The following CRADD variants were observed in gnomAD, a reference collection of about 807,000 sequenced individuals.
CRADD encodes death domain-containing protein CRADD.
Under a neutral mutation model 15.5 loss-of-function variants are expected in CRADD, and 9 were observed. That is an observed-to-expected ratio of 0.58 (90% CI 0.35 to 1.01). CRADD has a LOEUF of 1.01. Ranked by LOEUF, CRADD falls within the 50% of genes least tolerant of loss-of-function variation. CRADD has a pLI of 0.02. For missense variants in CRADD, 227 were observed against 250.3 expected (o/e 0.91, Z 0.63); for synonymous variants, 118 against 107.6 (o/e 1.10, Z -0.60).
chr12:93,886,108 T>TC (rs1958534909), intron 2 of CRADD, among the ~76,000 whole-genome samples: 1 of 150,464 alleles, frequency 6.6e-6, no homozygotes, highest in African/African-American at 2.5e-5. Context: ...AGTCTTTATA[T>TC]CTATAAGATA....
intron 2 of CRADD, among the ~76,000 whole-genome samples, chr12:93,728,446 CAA>C (rs1283707418): frequency 1.3e-5 from 2 of 152,210 alleles, no homozygotes; most frequent in Non-Finnish European, 2.9e-5. Flanking sequence ...GTAAATACGT[CAA>C]TATCACTTTT....
chr12:93,746,687 C>T (rs2363080), intron 2 of CRADD, among the ~76,000 whole-genome samples: 1 of 151,850 alleles, frequency 6.6e-6, no homozygotes, highest in Non-Finnish European at 1.5e-5. Context: ...TTCAGACTTG[C>T]GATGAACCCA....
chr12:93,735,973 C>T lies in CRADD; in HGVS notation c.298+56901C>T, dbSNP rs141764461. Reference sequence around the variant, plus strand: ...GTAGGAGGCCGAGGTGGGATGATCCCTTGAACCCTGGAGGCGGAGGTTGCA... The same window carrying T: ...GTAGGAGGCCGAGGTGGGATGATCCTTTGAACCCTGGAGGCGGAGGTTGCA... On this transcript the variant is annotated intron_variant, in intron 2 of 2. Transcript: ENST00000332896. 3.6e-3 allele frequency among the ~76,000 whole-genome samples: 544 copies of T among 151,866 alleles called. 1 individual carries two copies. Among genetic ancestry groups the T allele is most frequent in the Admixed American group, 6.3e-3 (96 of 15,226 alleles).
intron 2 of CRADD, among the ~76,000 whole-genome samples, chr12:93,820,607 A>G (rs1957759410): frequency 6.6e-6 from 1 of 151,744 alleles, no homozygotes; most frequent in African/African-American, 2.4e-5. Flanking sequence ...TCACTGGGCC[A>G]GGACTTTATG....
chr12:93,706,760 A>G (rs943763456), intron 2 of CRADD, among the ~76,000 whole-genome samples: 6 of 152,380 alleles, frequency 3.9e-5, no homozygotes, highest in African/African-American at 9.6e-5. Flanking sequence ...TTCTGGCAGC[A>G]TCCGATTGAA....
chr12:93,687,635 C>T (rs1955468439), intron 2 of CRADD, among the ~76,000 whole-genome samples: 1 of 152,236 alleles, frequency 6.6e-6, no homozygotes, highest in South Asian at 2.1e-4. Context: ...TCCTCACTCA[C>T]TGCTTCCAAG....
intron 2 of CRADD, among the ~76,000 whole-genome samples, chr12:93,695,933 G>A (rs1211255223): frequency 6.6e-6 from 1 of 152,012 alleles, no homozygotes; most frequent in Non-Finnish European, 1.5e-5. Context: ...CAAAGGATGG[G>A]AACAGACATT....
chr12:93,767,882 T>C (rs1202531386), intron 2 of CRADD, among the ~76,000 whole-genome samples: 1 of 152,210 alleles, frequency 6.6e-6, no homozygotes, highest in African/African-American at 2.4e-5. Flanking sequence ...GCAAATTCAA[T>C]TCAACACCAC....
Position 93,850,200 on chromosome 12 carries a change from T to C in CRADD, c.529T>C (p.Phe177Leu), listed in dbSNP as rs767794077. 1.9e-5 allele frequency: 31 copies of C among 1,613,236 alleles called. No individual in the cohort carries two copies. The highest frequency in any genetic ancestry group is 5.0e-5 in the Admixed American group (3 of 59,958). ...WRQRFGKQAT[F>L]QSLHNGLRAV... is the part of the protein sequence containing the mutation. Reference sequence around the variant, plus strand: ...GCAGCGCTTCGGGAAGCAGGCCACCTTCCAGAGCCTGCACAACGGGCTGCG... The same window carrying C: ...GCAGCGCTTCGGGAAGCAGGCCACCCTCCAGAGCCTGCACAACGGGCTGCG... Residue 177 changes from phenylalanine (F) to leucine (L), a missense_variant, in exon 3 of 3, where the codon TTC becomes CTC. Transcript: ENST00000332896. The surrounding 1 kb of genome is among the most constrained non-coding windows in gnomAD (Gnocchi z 4.0).
rs116835327 is a variant in CRADD at position 93,893,067 on chromosome 12, G to A, written c.299-983G>A. ...CATGTAGCCCTGTCCTCCAGGACTC[G>A]GCTCTTCCTTTTTTACCTTCCAGGG... On this transcript the variant is annotated intron_variant, in intron 2 of 2. Coordinates refer to the CRADD transcript ENST00000548483. Among the ~76,000 whole-genome samples the A allele has an allele frequency of 6.8e-4, 104 of 152,242 alleles. 1 individual carries two copies. Among genetic ancestry groups the A allele is most frequent in the African/African-American group, 2.4e-3 (98 of 41,542 alleles).
At chr12:93,816,383 A>ATTTTTT (rs61294048) in intron 2 of CRADD, among the ~76,000 whole-genome samples, 5,004 of 122,034 alleles carry the variant, frequency 0.041, 190 homozygotes, top group Admixed American at 0.055. Flanking sequence ...TGCCTGGCTA[A>ATTTTTT]TTTTTTTTTT....
At chr12:93,784,513 C>T (rs879823319) in intron 2 of CRADD, among the ~76,000 whole-genome samples, 1 of 152,072 alleles carries the variant, frequency 6.6e-6, no homozygotes. Context: ...TCTCCAAGCA[C>T]CAGCAGAATG....
chr12:93,685,865 C>T (rs1176688564), intron 2 of CRADD, among the ~76,000 whole-genome samples: 6 of 151,654 alleles, frequency 4.0e-5, no homozygotes, highest in Non-Finnish European at 5.9e-5. Context: ...TGGTGGCAGG[C>T]GCCTGGAATC....
intron 2 of CRADD, among the ~76,000 whole-genome samples, chr12:93,740,349 A>T (rs2136927526): frequency 6.6e-6 from 1 of 152,248 alleles, no homozygotes; most frequent in East Asian, 1.9e-4. Context: ...ATTTCAGTTA[A>T]GTTTGAAGAA....
intron 2 of CRADD, among the ~76,000 whole-genome samples, chr12:93,731,962 C>A (rs982274360): frequency 6.6e-6 from 1 of 151,898 alleles, no homozygotes; most frequent in African/African-American, 2.4e-5. Context: ...CATGGAGAAA[C>A]TCCATCTCTA....
chr12:93,768,971 C>G (rs1483181210), intron 2 of CRADD, among the ~76,000 whole-genome samples: 1 of 152,126 alleles, frequency 6.6e-6, no homozygotes, highest in Non-Finnish European at 1.5e-5. Flanking sequence ...GAGATTCATC[C>G]ATGTTTTTCA....
chr12:93,678,872 A>G lies in CRADD; in HGVS notation c.98A>G (p.Glu33Gly). The change falls in exon 2 of 3, where the codon GAA becomes GGA. Residue 33 changes from glutamate (E) to glycine (G), a missense_variant. By Grantham distance (98) the Glu-to-Gly change is moderately conservative. Coordinates refer to ENST00000332896, the MANE Select transcript of CRADD (RefSeq NM_003805.5). ...EGLVLQYLYQEGILTENHIQE... is the reference protein window; with the variant it reads ...EGLVLQYLYQGGILTENHIQE... ...CTGGTTCTTCAGTACCTCTACCAGG[A>G]AGGAATCTTGACGGAAAACCATATT... 6.2e-7 allele frequency: 1 copy of G among 1,614,212 alleles called. No individual in the cohort carries two copies. Among genetic ancestry groups the G allele is most frequent in the East Asian group, 2.2e-5 (1 of 44,880 alleles).
rs1464579308 is a variant in CRADD, at chr12:93,730,597, T to C, written c.298+51525T>C. Among the ~76,000 whole-genome samples, 4 of 152,234 alleles carry C rather than the reference T, an allele frequency of 2.6e-5. No individual in the cohort carries two copies. In the East Asian group the frequency reaches 7.7e-4, roughly 29 times the overall value. The stretch of plus-strand genomic sequence containing the variant: ...ATGTAAACAGTGTTCATTTCAGTAT[T>C]GTTTATAAAAGCAAAATGTTGAAAG... On this transcript the variant is annotated intron_variant, in intron 2 of 2. Coordinates refer to ENST00000332896, the MANE Select transcript of CRADD (RefSeq NM_003805.5).
intron 2 of CRADD, chr12:93,714,813 C>T (rs559515455): frequency 6.6e-6 from 1 of 152,216 alleles, no homozygotes; most frequent in Non-Finnish European, 1.5e-5. Context: ...CACAATTCCT[C>T]TTCTGATTCA....
Sources: gnomAD v4.1 joint callset for allele counts (sites outside exome capture counted in the v4.1 genomes callset) on GRCh38, gnomAD v4.1.1 for gene constraint, Gnocchi (gnomAD v3.1) non-coding constraint, MANE v1.5 for transcripts, NCBI Gene and HGNC (gene_info 2026-07-23, HGNC 2026-07-21) for gene names.